The following GRID1 variants were observed in gnomAD, a reference collection of about 807,000 sequenced individuals.
The protein encoded by GRID1 is glutamate receptor ionotropic, delta-1.
A neutral mutation model predicts 98.0 loss-of-function variants in GRID1; 28 were observed. That is an observed-to-expected ratio of 0.29 (90% confidence interval 0.21 to 0.39). The LOEUF (loss-of-function observed/expected upper bound fraction) is 0.39, where lower values mean the gene tolerates loss of function less well. Ranked by LOEUF, GRID1 falls within the 10% of genes least tolerant of loss-of-function variation. The pLI, the probability that GRID1 is intolerant of heterozygous loss-of-function variation, is 1.00. For missense variants in GRID1, 1,111 were observed against 1,340.5 expected, an observed-to-expected ratio of 0.83 and a Z score of 2.67; for synonymous variants, 553 against 538.5, an observed-to-expected ratio of 1.03 and a Z score of -0.37.
At chr10:85,631,749 C>G (rs1269492411) in intron 13 of GRID1, among the ~76,000 whole-genome samples, 1 of 151,964 alleles carries the variant, frequency 6.6e-6, no homozygotes, top group African/African-American at 2.4e-5. Flanking sequence ...TGAGTTATTC[C>G]ATGGGAAAAA....
At chr10:86,110,119 C>T (rs1000625745) in intron 4 of GRID1, among the ~76,000 whole-genome samples, 5 of 152,006 alleles carry the variant, frequency 3.3e-5, no homozygotes, top group African/African-American at 1.2e-4. Context: ...ATTACAGGCA[C>T]GTGCCACCAC....
chr10:85,846,628 A>T (rs1843009437), intron 8 of GRID1, among the ~76,000 whole-genome samples: 1 of 152,240 alleles, frequency 6.6e-6, no homozygotes, highest in Non-Finnish European at 1.5e-5. Flanking sequence ...CTTTGAAAAA[A>T]AATCAATAGA....
intron 2 of GRID1, among the ~76,000 whole-genome samples, chr10:86,287,019 G>A (rs902117512): frequency 7.9e-5 from 12 of 152,200 alleles, no homozygotes; most frequent in African/African-American, 1.9e-4. Context: ...AGGCAGACAC[G>A]TGACTCCAGG....
chr10:85,845,995 G>A (rs1843001862), intron 8 of GRID1, among the ~76,000 whole-genome samples: 1 of 152,146 alleles, frequency 6.6e-6, no homozygotes, highest in Non-Finnish European at 1.5e-5. Context: ...ACAGGGGAGA[G>A]CTCTGAGGGT....
chr10:86,082,391 G>A (rs970501887), intron 4 of GRID1, among the ~76,000 whole-genome samples: 1 of 152,192 alleles, frequency 6.6e-6, no homozygotes, highest in Non-Finnish European at 1.5e-5. Context: ...TTGCCCAGGG[G>A]CAGCGGCAGG....
At chr10:86,005,052 T>C (rs764846448) in intron 4 of GRID1, among the ~76,000 whole-genome samples, 21 of 152,206 alleles carry the variant, frequency 1.4e-4, no homozygotes, top group Non-Finnish European at 2.5e-4. Context: ...GCTCAAATTC[T>C]ATATCTTTTC....
At chr10:86,172,316 C>A (rs959944342) in intron 3 of GRID1, among the ~76,000 whole-genome samples, 13 of 152,196 alleles carry the variant, frequency 8.5e-5, no homozygotes, top group East Asian at 1.9e-4. Context: ...CATCGCTACC[C>A]TAGCACTCAT....
intron 8 of GRID1, among the ~76,000 whole-genome samples, chr10:85,755,969 CACT>C: frequency 6.6e-6 from 1 of 152,212 alleles, no homozygotes; most frequent in Non-Finnish European, 1.5e-5. Context: ...AACCTTCTCT[CACT>C]GTGGTCATCT....
chr10:86,119,679 C>A (rs1194717722), intron 4 of GRID1, among the ~76,000 whole-genome samples: 1 of 152,206 alleles, frequency 6.6e-6, no homozygotes, highest in Non-Finnish European at 1.5e-5. Context: ...TTCCTCCTGG[C>A]CACAGGCATC....
chr10:86,105,448 C>T (rs1844367746), intron 4 of GRID1, among the ~76,000 whole-genome samples: 1 of 152,206 alleles, frequency 6.6e-6, no homozygotes. Flanking sequence ...GCTATCTCTT[C>T]AGAACACACA....
chr10:85,743,869 T>A (rs528050172), intron 8 of GRID1, among the ~76,000 whole-genome samples: 1 of 152,300 alleles, frequency 6.6e-6, no homozygotes, highest in East Asian at 1.9e-4. Flanking sequence ...TTTCTCTTAA[T>A]TGCATGTCAT....
chr10:85,631,038 C>A (rs1842971059), intron 13 of GRID1, among the ~76,000 whole-genome samples: 1 of 152,184 alleles, frequency 6.6e-6, no homozygotes, highest in East Asian at 1.9e-4. Flanking sequence ...TGAATATCTT[C>A]CTGAAAAGAA....
intron 2 of GRID1, among the ~76,000 whole-genome samples, chr10:86,316,980 G>A (rs1237987635): frequency 6.6e-6 from 1 of 152,096 alleles, no homozygotes; most frequent in Non-Finnish European, 1.5e-5. Flanking sequence ...AGCTGGTGGG[G>A]GTGTTGGGAC....
intron 4 of GRID1, among the ~76,000 whole-genome samples, chr10:86,097,900 A>G (rs956128898): frequency 2.0e-5 from 3 of 152,262 alleles, no homozygotes; most frequent in African/African-American, 7.2e-5. Context: ...TTCTTGAGAA[A>G]AAGAGACAGT....
At chr10:86,262,430 C>A (rs1475046740) in intron 2 of GRID1, among the ~76,000 whole-genome samples, 1 of 152,214 alleles carries the variant, frequency 6.6e-6, no homozygotes, top group South Asian at 2.1e-4. Context: ...TTCAGTTCGG[C>A]CCCCTGGTCC....
intron 8 of GRID1, among the ~76,000 whole-genome samples, chr10:85,747,032 T>C (rs1842003818): frequency 6.6e-6 from 1 of 152,168 alleles, no homozygotes. Context: ...CAAAGTATTG[T>C]CACACATAAT....
intron 2 of GRID1, among the ~76,000 whole-genome samples, chr10:86,284,972 C>T (rs1160679215): frequency 1.8e-5 from 2 of 111,658 alleles, no homozygotes; most frequent in African/African-American, 3.8e-5. Context: ...ATGGGGACAA[C>T]AGTAATGGGG....
In GRID1 at chr10:86,199,806, C is replaced by T. The variant is rs116232354; in HGVS notation, c.520+6558G>A. Among the ~76,000 whole-genome samples the T allele has an allele frequency of 2.5e-3, 387 of 152,188 alleles. 3 individuals are homozygous for T. The highest frequency in any genetic ancestry group is 8.5e-3 in the African/African-American group (355 of 41,532). ...TCCTGAGAATGTGTCAGTTTCTGCC[C>T]TTTTGTTTGCAGAGAATGACTTCAG... On this transcript the variant is annotated intron_variant, in intron 3 of 15. Transcript: ENST00000327946.
intron 4 of GRID1, among the ~76,000 whole-genome samples, chr10:86,047,120 G>A (rs895197061): frequency 2.4e-4 from 36 of 152,314 alleles, no homozygotes; most frequent in African/African-American, 7.0e-4. Context: ...TCTTTGTTAA[G>A]CTCACTGAAG....
Sources: allele counts gnomAD v4.1 joint callset (sites outside exome capture counted in the v4.1 genomes callset), GRCh38; gene constraint gnomAD v4.1.1; transcripts MANE v1.5; gene names NCBI Gene and HGNC (gene_info 2026-07-23, HGNC 2026-07-21).